Variants in PIGL observed in about 807,000 individuals in gnomAD.
PIGL encodes the protein N-acetylglucosaminyl-phosphatidylinositol de-N-acetylase.
In PIGL, 22 loss-of-function variants were observed where a neutral mutation model predicts 31.1. The ratio of observed to expected loss-of-function variants is 0.71; its 90% CI spans 0.51 to 1.01. The LOEUF (loss-of-function observed/expected upper bound fraction) is 1.01. Ranked by LOEUF, PIGL falls within the 50% of genes least tolerant of loss-of-function variation. The pLI is 0.00. For missense variants in PIGL, 302 were observed against 315.9 expected, an observed-to-expected ratio of 0.96 and a Z score of 0.33; for synonymous variants, 131 against 117.4, an observed-to-expected ratio of 1.12 and a Z score of -0.75.
At chr17:16,258,778 GGT>G (rs1392499064) in intron 2 of PIGL, among the ~76,000 whole-genome samples, 1 of 152,112 alleles carries the variant, frequency 6.6e-6, no homozygotes. Context: ...TAGGATTAAA[GGT>G]GTGAGCCACC....
intron 2 of PIGL, among the ~76,000 whole-genome samples, chr17:16,262,422 G>C (rs2092823015): frequency 6.6e-6 from 1 of 152,182 alleles, no homozygotes; most frequent in Non-Finnish European, 1.5e-5. Context: ...AAAAATAAAA[G>C]TGTTCGTGTG....
intron 2 of PIGL, among the ~76,000 whole-genome samples, chr17:16,254,933 A>C (rs2142735309): frequency 6.6e-6 from 1 of 152,316 alleles, no homozygotes; most frequent in South Asian, 2.1e-4. Flanking sequence ...GTAGGCCGTA[A>C]GGCCCTTTGA....
intron 5 of PIGL, 128 bp downstream of exon 5, chr17:16,316,840 A>G: frequency 1.3e-6 from 2 of 1,507,452 alleles, no homozygotes; most frequent in South Asian, 1.2e-5. Context: ...GGAGGCCGCC[A>G]CACTCTTCCT....
At chr17:16,222,794 G>A (rs745886869) in intron 1 of PIGL, among the ~76,000 whole-genome samples, 5 of 150,962 alleles carry the variant, frequency 3.3e-5, no homozygotes, top group Admixed American at 6.6e-5. Context: ...GGTGCATCAC[G>A]TGAGGTCAGG....
intron 2 of PIGL, among the ~76,000 whole-genome samples, chr17:16,281,381 G>A (rs1006933873): frequency 1.1e-4 from 16 of 152,134 alleles, no homozygotes; most frequent in African/African-American, 3.6e-4. Flanking sequence ...GAATATCAAC[G>A]GCTTTTATGT....
intron 2 of PIGL, among the ~76,000 whole-genome samples, chr17:16,274,888 C>T (rs1192317616): frequency 2.0e-5 from 3 of 151,658 alleles, no homozygotes; most frequent in Admixed American, 6.6e-5. Flanking sequence ...AAAAATTAGC[C>T]GAGTGTGGTG....
chr17:16,308,318 T>TG (rs2093034516), intron 3 of PIGL, among the ~76,000 whole-genome samples: 1 of 149,070 alleles, frequency 6.7e-6, no homozygotes, highest in Non-Finnish European at 1.5e-5. Flanking sequence ...GGTGACAGGG[T>TG]GAAACTCCGT....
intron 1 of PIGL, 185 bp downstream of exon 1, chr17:16,217,646 A>AACGCTAT: frequency 5.9e-6 from 3 of 511,612 alleles, no homozygotes; most frequent in Admixed American, 3.6e-5. Context: ...GGGTTGGGGG[A>AACGCTAT]CGTCGGCAGC....
intron 4 of PIGL, among the ~76,000 whole-genome samples, chr17:16,314,562 G>T (rs2093067936): frequency 6.6e-6 from 1 of 152,094 alleles, no homozygotes; most frequent in Non-Finnish European, 1.5e-5. Context: ...TACATCACTT[G>T]GTGGAAGATG....
chr17:16,263,556 G>A (rs1375626352), intron 2 of PIGL, among the ~76,000 whole-genome samples: 6 of 150,710 alleles, frequency 4.0e-5, no homozygotes, highest in South Asian at 2.1e-4. Flanking sequence ...ACGAAGTCTC[G>A]CTCTGTTGCC....
intron 6 of PIGL, among the ~76,000 whole-genome samples, chr17:16,319,728 C>T (rs2093094759): frequency 6.7e-6 from 1 of 150,346 alleles, no homozygotes; most frequent in Admixed American, 6.7e-5. Flanking sequence ...GCACTCCAGC[C>T]TGGGTGACAG....
chr17:16,315,551 A>G (rs2093071692), intron 4 of PIGL, among the ~76,000 whole-genome samples: 1 of 152,030 alleles, frequency 6.6e-6, no homozygotes, highest in Admixed American at 6.6e-5. Flanking sequence ...TTTAAGGGCT[A>G]TAAGCTCTAC....
chr17:16,250,823 T>C (rs2142726283), intron 2 of PIGL, among the ~76,000 whole-genome samples: 2 of 152,342 alleles, frequency 1.3e-5, no homozygotes, highest in Admixed American at 1.3e-4. Flanking sequence ...AGCTAATAAC[T>C]GGTAGAGCTG....
At chr17:16,273,035 G>GTGTT (rs753950532) in intron 2 of PIGL, among the ~76,000 whole-genome samples, 1 of 152,190 alleles carries the variant, frequency 6.6e-6, no homozygotes, top group Non-Finnish European at 1.5e-5. Flanking sequence ...TCTTTGAAAT[G>GTGTT]TGTTTGTTTA....
At chr17:16,242,846 G>C (rs1013051677) in intron 2 of PIGL, among the ~76,000 whole-genome samples, 1 of 151,582 alleles carries the variant, frequency 6.6e-6, no homozygotes, top group Admixed American at 6.6e-5. Flanking sequence ...TTGAACTCCT[G>C]ACCACAAATG....
At chr17:16,313,043 A>T (rs186261622) in intron 3 of PIGL, among the ~76,000 whole-genome samples, 189 of 152,302 alleles carry the variant, frequency 1.2e-3, no homozygotes, top group African/African-American at 4.1e-3. Context: ...AGATATTGAT[A>T]TAGCTGTGAA....
At chr17:16,265,617 G>A (rs2092838892) in intron 2 of PIGL, among the ~76,000 whole-genome samples, 1 of 152,008 alleles carries the variant, frequency 6.6e-6, no homozygotes, top group Non-Finnish European at 1.5e-5. Context: ...GCACGTGCCT[G>A]TAGTCCCAGC....
chr17:16,295,756 A>G (rs1208982772), intron 2 of PIGL, among the ~76,000 whole-genome samples: 2 of 152,102 alleles, frequency 1.3e-5, no homozygotes, highest in South Asian at 2.1e-4. Flanking sequence ...AGCCTGGCCA[A>G]TATGGTGAAA....
intron 2 of PIGL, among the ~76,000 whole-genome samples, chr17:16,234,679 C>T (rs989314805): frequency 6.6e-6 from 1 of 152,140 alleles, no homozygotes; most frequent in African/African-American, 2.4e-5. Context: ...GCAGGAGAAT[C>T]GCTTGAACCT....
Sources: allele counts gnomAD v4.1 joint callset (sites outside exome capture counted in the v4.1 genomes callset), GRCh38; gene constraint gnomAD v4.1.1; transcripts MANE v1.5; gene names NCBI Gene and HGNC (gene_info 2026-07-23, HGNC 2026-07-21).